The following PDK1 variants were observed in gnomAD, a reference collection of about 807,000 sequenced individuals.
The protein encoded by PDK1 is [Pyruvate dehydrogenase (acetyl-transferring)] kinase isozyme 1, mitochondrial.
In PDK1, 39 loss-of-function variants were observed where a neutral mutation model predicts 54.2. The observed-to-expected ratio is 0.72, with a 90% CI of 0.56 to 0.94. The LOEUF (loss-of-function observed/expected upper bound fraction) is 0.94, where lower values mean the gene tolerates loss of function less well. Among genes scored for constraint, PDK1 ranks in the 40% least tolerant of loss-of-function variants. PDK1 has a pLI of 0.00. For missense variants in PDK1, 552 were observed against 566.0 expected (o/e 0.98, Z 0.25); for synonymous variants, 221 against 207.1 (o/e 1.07, Z -0.58).
At chr2:172,660,989 CA>C in the PDK1 span, among the ~76,000 whole-genome samples, 23 of 151,808 alleles carry the variant, frequency 1.5e-4, no homozygotes, top group Admixed American at 3.3e-4. Flanking sequence ...TAATGGTATA[CA>C]AAAAAAGACA....
At chr2:172,649,452 C>T in the PDK1 span, among the ~76,000 whole-genome samples, 1 of 152,134 alleles carries the variant, frequency 6.6e-6, no homozygotes, top group African/African-American at 2.4e-5. Flanking sequence ...TAGCTTCTCA[C>T]CAGCAGTGGA....
the PDK1 span, among the ~76,000 whole-genome samples, chr2:172,720,114 C>T: frequency 1.2e-3 from 102 of 81,738 alleles, no homozygotes; most frequent in East Asian, 0.044. Context: ...CTCTCTCTCT[C>T]TCTTTTTTTT....
At chr2:172,609,501 G>A (rs142929943), downstream of PDK1, among the ~76,000 whole-genome samples, 1,155 of 152,208 alleles carry the variant, frequency 7.6e-3, 21 homozygotes, top group African/African-American at 0.026. Context: ...TATTGCAATC[G>A]GAGTATTACT....
chr2:172,644,906 T>G, the PDK1 span, among the ~76,000 whole-genome samples: 1 of 147,008 alleles, frequency 6.8e-6, no homozygotes, highest in African/African-American at 2.4e-5. Flanking sequence ...CTAAACAAAT[T>G]ACTTAACTTC....
At chr2:172,575,627 G>A (rs1028900048) in intron 8 of PDK1, among the ~76,000 whole-genome samples, 4 of 151,676 alleles carry the variant, frequency 2.6e-5, no homozygotes, top group Admixed American at 2.6e-4. Flanking sequence ...TTTGAGACTA[G>A]CCTGGCCAAC....
the PDK1 span, among the ~76,000 whole-genome samples, chr2:172,628,178 T>A: frequency 6.6e-6 from 1 of 152,244 alleles, no homozygotes; most frequent in African/African-American, 2.4e-5. Flanking sequence ...TAGCTTCTGC[T>A]TTCCTGAAAT....
At chr2:172,574,796 C>G (rs527615126) in intron 8 of PDK1, among the ~76,000 whole-genome samples, 4 of 152,060 alleles carry the variant, frequency 2.6e-5, no homozygotes, top group African/African-American at 9.6e-5. Context: ...TGCCAAATGT[C>G]TTTATTAGTG....
chr2:172,632,537 T>C, the PDK1 span, among the ~76,000 whole-genome samples: 1 of 152,306 alleles, frequency 6.6e-6, no homozygotes, highest in South Asian at 2.1e-4. Flanking sequence ...AGTTCTAATA[T>C]GTACTTTGTT....
downstream of PDK1, among the ~76,000 whole-genome samples, chr2:172,611,739 A>G (rs1023973248): frequency 3.9e-5 from 6 of 152,264 alleles, no homozygotes; most frequent in Non-Finnish European, 7.3e-5. Flanking sequence ...GGATGGTTCA[A>G]GATTCAAAAA....
intron 6 of PDK1, 28 bp from the exon 7 acceptor site, chr2:172,568,713 T>G: frequency 7.1e-7 from 1 of 1,400,264 alleles, no homozygotes; most frequent in Non-Finnish European, 1.0e-6. Flanking sequence ...CTCTCTGTAC[T>G]TTCATATTTT....
At chr2:172,641,322 G>C in the PDK1 span, among the ~76,000 whole-genome samples, 1 of 151,998 alleles carries the variant, frequency 6.6e-6, no homozygotes, top group Non-Finnish European at 1.5e-5. Context: ...TGTGGAGACG[G>C]GGTCTTTCTA....
chr2:172,706,319 G>A, the PDK1 span, among the ~76,000 whole-genome samples: 1 of 150,428 alleles, frequency 6.6e-6, no homozygotes, highest in Non-Finnish European at 1.5e-5. Flanking sequence ...TAGTGTGTTT[G>A]TAATTGCTTA....
chr2:172,658,293 T>A, the PDK1 span, among the ~76,000 whole-genome samples: 1 of 152,228 alleles, frequency 6.6e-6, no homozygotes. Context: ...GAAGATTTCA[T>A]GGATATTTAT....
chr2:172,555,891 T>C (rs1688283344), upstream of PDK1: 6 of 337,192 alleles, frequency 1.8e-5, no homozygotes, highest in South Asian at 6.3e-4. Context: ...GCGCTCCGCA[T>C]CTCCTTCCTC....
At chr2:172,628,564 T>C in the PDK1 span, among the ~76,000 whole-genome samples, 1 of 152,220 alleles carries the variant, frequency 6.6e-6, no homozygotes, top group Non-Finnish European at 1.5e-5. Flanking sequence ...GCCTTGGTTA[T>C]ATAAACATCT....
Position 172,599,149 on chromosome 2 carries a change from A to G in PDK1, c.*3180A>G, listed in dbSNP as rs1691025010. The G allele has an allele frequency of 6.9e-6, 1 of 145,446 alleles. No individual in the cohort carries two copies. Among genetic ancestry groups the G allele is most frequent in the East Asian group, 1.9e-4 (1 of 5,144 alleles). 9.0% of individuals were successfully genotyped at this position (145,446 alleles called of 1,614,324 possible). On this transcript the variant is annotated 3_prime_UTR_variant, in exon 11 of 11. Coordinates refer to ENST00000282077, the MANE Select transcript of PDK1 (RefSeq NM_002610.5). Reference sequence around the variant, plus strand: ...TGAAATTTGAATAACTTTCCACAGTATAACTGTAAAAAAAAAAAAAAAAAG... The same window carrying G: ...TGAAATTTGAATAACTTTCCACAGTGTAACTGTAAAAAAAAAAAAAAAAAG...
chr2:172,622,753 A>G, the PDK1 span, among the ~76,000 whole-genome samples: 80 of 147,952 alleles, frequency 5.4e-4, 1 homozygote, highest in Middle Eastern at 4.2e-3. Context: ...AGATATGTTT[A>G]TATCTCATTA....
chr2:172,582,037 C>A (rs965510140), intron 8 of PDK1, among the ~76,000 whole-genome samples: 2 of 151,984 alleles, frequency 1.3e-5, no homozygotes, highest in Admixed American at 6.6e-5. Flanking sequence ...CTCAGCCTCC[C>A]GAGTAGTGGG....
the PDK1 span, among the ~76,000 whole-genome samples, chr2:172,655,385 G>A: frequency 6.6e-6 from 1 of 152,160 alleles, no homozygotes; most frequent in African/African-American, 2.4e-5. Context: ...AGGTCTTGCT[G>A]ATTCACTTCC....
Sources: allele counts gnomAD v4.1 joint callset (sites outside exome capture counted in the v4.1 genomes callset), GRCh38; gene constraint gnomAD v4.1.1; transcripts MANE v1.5; gene names NCBI Gene and HGNC (gene_info 2026-07-23, HGNC 2026-07-21).